EXT1: variants seen among roughly 807,000 people sequenced by gnomAD.
EXT1 encodes exostosin-1.
Under a neutral mutation model 82.5 loss-of-function variants are expected in EXT1, and 20 were observed. The ratio of observed to expected loss-of-function variants is 0.24; its 90% CI spans 0.17 to 0.35. The LOEUF is 0.35. EXT1 is among the 10% of genes least tolerant of loss of function. The pLI is 1.00. For synonymous variants in EXT1, 348 were observed against 350.8 expected (o/e 0.99, Z 0.09); for missense variants, 757 against 936.5 (o/e 0.81, Z 2.50).
intron 1 of EXT1, among the ~76,000 whole-genome samples, chr8:117,841,557 G>A (rs762923605): frequency 7.4e-4 from 113 of 152,184 alleles, no homozygotes; most frequent in Non-Finnish European, 3.1e-4. Context: ...AAGAAGGTAA[G>A]TAGGTGAGGG....
intron 1 of EXT1, among the ~76,000 whole-genome samples, chr8:118,104,891 T>C (rs1817781416): frequency 6.6e-6 from 1 of 152,192 alleles, no homozygotes; most frequent in Non-Finnish European, 1.5e-5. Flanking sequence ...ATGACCACTT[T>C]GTCTCACCTG....
intron 8 of EXT1, among the ~76,000 whole-genome samples, chr8:117,809,218 A>AACAT (rs71569748): frequency 9.3e-6 from 1 of 107,946 alleles, no homozygotes; most frequent in African/African-American, 3.1e-5. Context: ...TGTGTGTATA[A>AACAT]ATATATATAT....
chr8:117,872,605 G>T (rs1217162876), intron 1 of EXT1, among the ~76,000 whole-genome samples: 3 of 152,106 alleles, frequency 2.0e-5, no homozygotes, highest in Non-Finnish European at 2.9e-5. Flanking sequence ...AATATGTTTG[G>T]ATAGCTGCTA....
At chr8:117,821,240 T>C (rs556160133) in intron 5 of EXT1, among the ~76,000 whole-genome samples, 12 of 152,368 alleles carry the variant, frequency 7.9e-5, no homozygotes, top group African/African-American at 2.6e-4. Context: ...AGCACTTTAA[T>C]TGTATGTTAG....
chr8:117,822,839 A>C (rs545298925), intron 4 of EXT1, among the ~76,000 whole-genome samples: 1 of 152,194 alleles, frequency 6.6e-6, no homozygotes, highest in Non-Finnish European at 1.5e-5. Flanking sequence ...CAGTTAAACC[A>C]TAAGTTCTAT....
At chr8:117,976,315 T>A (rs1346524504) in intron 1 of EXT1, among the ~76,000 whole-genome samples, 2 of 152,206 alleles carry the variant, frequency 1.3e-5, no homozygotes. Context: ...AATACATACA[T>A]ATGAGAATGT....
chr8:117,794,702 T>G lies in EXT1; in HGVS notation c.*5010A>C, dbSNP rs1033004281. 2 of 152,144 alleles carry G rather than the reference T, an allele frequency of 1.3e-5. No homozygotes were observed. Among genetic ancestry groups the G allele is most frequent in the African/African-American group, 4.8e-5 (2 of 41,430 alleles). 9.4% of individuals were successfully genotyped at this position (152,144 alleles called of 1,614,324 possible). A position where few individuals can be genotyped will look rare whatever the true frequency, so the allele number is the denominator to read the frequency against. ...CACATACTTGAGGGCTTAATTACGCTAAGTCATTAATACTCTATAACAAAT... is the reference window on the plus strand; with the variant it reads ...CACATACTTGAGGGCTTAATTACGCGAAGTCATTAATACTCTATAACAAAT... On this transcript the variant is annotated 3_prime_UTR_variant, in exon 11 of 11. Transcript: ENST00000378204.
Position 117,905,042 on chromosome 8 carries a change from G to A in EXT1, c.963-67841C>T, listed in dbSNP as rs557414087. On this transcript the variant is annotated intron_variant, in intron 1 of 10. Coordinates refer to ENST00000378204, the MANE Select transcript of EXT1 (RefSeq NM_000127.3). ...AATTAAAAAAGCTGACTTTAAATGT[G>A]TCTTTCAAAAAAGAACTAAAAGAAC... Among the ~76,000 whole-genome samples, 534 of 152,184 alleles carry A rather than the reference G, an allele frequency of 3.5e-3. 4 individuals are homozygous for A. Among genetic ancestry groups the A allele is most frequent in the Non-Finnish European group, 5.8e-3 (392 of 68,000 alleles).
At chr8:118,033,952 G>C (rs891247257) in intron 1 of EXT1, among the ~76,000 whole-genome samples, 1 of 152,160 alleles carries the variant, frequency 6.6e-6, no homozygotes, top group Non-Finnish European at 1.5e-5. Flanking sequence ...TTAGAAAAGA[G>C]ATGGCGAGAA....
At chr8:117,819,157 CCACCGTT>C (rs1811878518) in intron 6 of EXT1, among the ~76,000 whole-genome samples, 1 of 152,194 alleles carries the variant, frequency 6.6e-6, no homozygotes, top group Non-Finnish European at 1.5e-5. Flanking sequence ...ATCAGAAAAA[CCACCGTT>C]CAATATGGGA....
intron 1 of EXT1, among the ~76,000 whole-genome samples, chr8:117,966,624 C>T (rs1052056058): frequency 5.9e-5 from 9 of 152,190 alleles, no homozygotes; most frequent in Non-Finnish European, 1.2e-4. Flanking sequence ...CTTTCTTTCC[C>T]GAGGGATTTA....
chr8:117,898,038 T>C (rs1335602784), intron 1 of EXT1, among the ~76,000 whole-genome samples: 1 of 152,228 alleles, frequency 6.6e-6, no homozygotes, highest in Non-Finnish European at 1.5e-5. Flanking sequence ...ACCCACTTTA[T>C]AGATAAAAGA....
At chr8:117,818,669 G>T in intron 6 of EXT1, 139 bp from the exon 7 acceptor site, 1 of 700,656 alleles carries the variant, frequency 1.4e-6, no homozygotes, top group Non-Finnish European at 2.6e-6. Flanking sequence ...CATCAAAACT[G>T]AGTTTTAAAG....
At chr8:118,038,376 G>A (rs1185044958) in intron 1 of EXT1, among the ~76,000 whole-genome samples, 2 of 152,176 alleles carry the variant, frequency 1.3e-5, no homozygotes, top group Non-Finnish European at 2.9e-5. Flanking sequence ...GCCTATTTGT[G>A]GAGCACGTCT....
chr8:117,971,793 A>G (rs1193782055), intron 1 of EXT1, among the ~76,000 whole-genome samples: 1 of 152,142 alleles, frequency 6.6e-6, no homozygotes, highest in Non-Finnish European at 1.5e-5. Context: ...CTTTCTTGAC[A>G]TTTTTCCAAA....
intron 1 of EXT1, among the ~76,000 whole-genome samples, chr8:117,862,470 C>G (rs1812701942): frequency 6.9e-6 from 1 of 145,588 alleles, no homozygotes; most frequent in African/African-American, 2.4e-5. Flanking sequence ...TAGGAGGAAT[C>G]AGGGTTGACC....
At chr8:117,857,310 A>C (rs1344979303) in intron 1 of EXT1, among the ~76,000 whole-genome samples, 1 of 152,114 alleles carries the variant, frequency 6.6e-6, no homozygotes, top group Non-Finnish European at 1.5e-5. Context: ...AATCCTGGCA[A>C]TTTGAGAGGC....
rs1296964293 is a variant in EXT1 at position 118,088,670 on chromosome 8, ATGTG to A, written c.962+21411_962+21414del. 2.7e-5 allele frequency among the ~76,000 whole-genome samples: 4 copies of A among 147,762 alleles called. No homozygotes were observed. In the East Asian group the frequency reaches 7.9e-4, roughly 29 times the overall value. On this transcript the variant is annotated intron_variant, in intron 1 of 10. Coordinates refer to ENST00000378204, the MANE Select transcript of EXT1 (RefSeq NM_000127.3). ...GCATTTTAGCCCCACAATGAGAAAA[ATGTG>A]ATGCCTTCTCTTTTTTTTTTTTTTC...
At chr8:117,902,346 AT>A (rs1813465177) in intron 1 of EXT1, among the ~76,000 whole-genome samples, 1 of 152,194 alleles carries the variant, frequency 6.6e-6, no homozygotes. Context: ...ATGGTCATTT[AT>A]TGTCATTAGC....
Sources: allele counts gnomAD v4.1 joint callset (sites outside exome capture counted in the v4.1 genomes callset), GRCh38; gene constraint gnomAD v4.1.1; transcripts MANE v1.5; gene names NCBI Gene and HGNC (gene_info 2026-07-23, HGNC 2026-07-21).